TERF1: variants seen among roughly 807,000 people sequenced by gnomAD.
TERF1 encodes telomeric repeat binding factor 1, also known as telomeric repeat-binding factor 1.
In TERF1, 20 loss-of-function variants were observed where a neutral mutation model predicts 55.1. The observed-to-expected ratio is 0.36, with a 90% CI of 0.26 to 0.53. The LOEUF is 0.53. TERF1 is among the 20% of genes least tolerant of loss of function. The pLI is 0.91. For synonymous variants in TERF1, 168 were observed against 181.2 expected (o/e 0.93, Z 0.59); for missense variants, 439 against 535.7 (o/e 0.82, Z 1.78).
chr8:73,022,162 TA>T lies in TERF1; in HGVS notation c.538-52del, dbSNP rs1307675499. ...TACCTGAGTTATCTTAATAATTAAA[TA>T]ACTATTGGGTATTTATAAACGCAGT... is the stretch of plus-strand genomic sequence containing the variant. On this transcript the variant is annotated intron_variant, in intron 3 of 9. Coordinates refer to ENST00000276603, the MANE Select transcript of TERF1 (RefSeq NM_017489.3). 1.7e-5 allele frequency: 18 copies of T among 1,081,082 alleles called. No homozygotes were observed. The African/African-American group carries it at 2.5e-4, about 15-fold the overall frequency. The allele number at this position is 1,081,082 out of a possible 1,614,324, so 67.0% of individuals were successfully genotyped here.
chr8:73,016,316 T>C (rs17281281), intron 2 of TERF1, among the ~76,000 whole-genome samples: 56,526 of 151,736 alleles, frequency 0.37, 11,416 homozygotes, highest in Non-Finnish European at 0.46. Context: ...CTACCCCACA[T>C]AGGTTTGACA....
intron 9 of TERF1, 131 bp from the exon 10 acceptor site, chr8:73,045,830 A>G (rs1015272954): frequency 3.1e-6 from 2 of 646,282 alleles, no homozygotes; most frequent in African/African-American, 3.8e-5. Flanking sequence ...AAATCTAAGA[A>G]ATGTTTAGAG....
intron 8 of TERF1, 28 bp downstream of exon 8, chr8:73,032,161 G>T: frequency 6.6e-7 from 1 of 1,508,798 alleles, no homozygotes; most frequent in Non-Finnish European, 9.1e-7. Context: ...AGTTTTAGAA[G>T]GGGAGAATTG....
At chr8:73,037,567 A>G (rs186140882) in intron 8 of TERF1, among the ~76,000 whole-genome samples, 1,445 of 107,888 alleles carry the variant, frequency 0.013, 41 homozygotes, top group African/African-American at 0.049. Context: ...GGGAAAATAT[A>G]TATATTTTTT....
intron 3 of TERF1, 131 bp downstream of exon 3, chr8:73,020,936 T>G (rs532730932): frequency 1.5e-6 from 1 of 658,240 alleles, no homozygotes; most frequent in Non-Finnish European, 2.5e-6. Context: ...ATTTGACCTT[T>G]GGTTTATAGT....
At chr8:73,037,203 T>C (rs1786082226) in intron 8 of TERF1, among the ~76,000 whole-genome samples, 1 of 135,794 alleles carries the variant, frequency 7.4e-6, no homozygotes, top group Non-Finnish European at 1.5e-5. Flanking sequence ...TATTATATAA[T>C]ATAATTTATA....
chr8:73,031,549 T>A (rs1809285261), intron 7 of TERF1: 1 of 152,158 alleles, frequency 6.6e-6, no homozygotes, highest in Admixed American at 6.5e-5. Context: ...TGGCAGAGTT[T>A]TCAAAAAAAA....
chr8:73,009,188 C>T lies in TERF1; in HGVS notation c.302C>T (p.Thr101Ile), dbSNP rs893839558. Residue 101 changes from threonine (T) to isoleucine (I), a missense_variant, in exon 1 of 10, where the codon ACC (threonine) becomes ATC (isoleucine). By Grantham distance (89) the Thr-to-Ile change is moderately conservative. Around this residue, in one of 4 missense-constraint regions of TERF1, gnomAD observed 179 missense variants for 152.6 expected, o/e 1.17. Coordinates refer to ENST00000276603, the MANE Select transcript of TERF1 (RefSeq NM_017489.3). Reference protein sequence around the residue: ...RDGRSEDFRRTRNSAEAIIHG... With the variant: ...RDGRSEDFRRIRNSAEAIIHG... ...GGCCGCTCCGAGGACTTCCGCAGGA[C>T]CCGCAACAGCGCAGAGGGTGAGTGC... 13 of 1,610,362 alleles carry T rather than the reference C, an allele frequency of 8.1e-6. No homozygotes were observed. In the Admixed American group the frequency reaches 8.3e-5, roughly 10 times the overall value.
chr8:73,040,708 T>G (rs1809798644), intron 9 of TERF1, among the ~76,000 whole-genome samples: 2 of 152,332 alleles, frequency 1.3e-5, no homozygotes, highest in Admixed American at 6.5e-5. Context: ...CTTTCCTTCT[T>G]CTTCTGGTGT....
intron 6 of TERF1, among the ~76,000 whole-genome samples, chr8:73,028,762 T>C (rs1442355785): frequency 6.6e-6 from 1 of 152,098 alleles, no homozygotes; most frequent in Non-Finnish European, 1.5e-5. Context: ...CTATATGAAG[T>C]CTTGCCCAGC....
chr8:73,041,130 G>A (rs973784253), intron 9 of TERF1, among the ~76,000 whole-genome samples: 1 of 152,126 alleles, frequency 6.6e-6, no homozygotes, highest in Non-Finnish European at 1.5e-5. Flanking sequence ...TCTTCAGACT[G>A]TGTTTTTTGC....
rs1201029835 is a variant in TERF1, at chr8:73,022,303, G to A, written c.624+1G>A. The A allele has an allele frequency of 5.2e-6, 8 of 1,538,928 alleles. No homozygotes were observed. Among genetic ancestry groups the A allele is most frequent in the Non-Finnish European group, 7.1e-6 (8 of 1,134,072 alleles). The stretch of plus-strand genomic sequence containing the variant: ...ATTTGGTGATCCAAATTCTCATATG[G>A]TAATTATTTAAATTAAAACCATAGA... On this transcript the variant is annotated splice_donor_variant, in intron 4 of 9. Coordinates refer to ENST00000276603, the MANE Select transcript of TERF1 (RefSeq NM_017489.3). LOFTEE classifies it high-confidence loss of function.
intron 9 of TERF1, among the ~76,000 whole-genome samples, chr8:73,041,657 A>G (rs922198292): frequency 6.6e-6 from 1 of 152,218 alleles, no homozygotes; most frequent in Non-Finnish European, 1.5e-5. Context: ...TAAGAAGACC[A>G]GAACGCTTTC....
chr8:73,032,017 T>TA, intron 7 of TERF1, 25 bp from the exon 8 acceptor site: 2 of 1,556,172 alleles, frequency 1.3e-6, no homozygotes, highest in Middle Eastern at 2.3e-4. Context: ...TGGAGCCAAT[T>TA]ACAAACTTTC....
In TERF1 at chr8:73,048,097, G is replaced by T. The variant is rs1307551917; in HGVS notation, c.*1960G>T. ...AAAAGAGAAATTGTAAGCAAAATAA[G>T]TTGGGTAATATATTCCTAAAACCTC... On this transcript the variant is annotated 3_prime_UTR_variant, in exon 10 of 10. Coordinates refer to ENST00000276603, the MANE Select transcript of TERF1 (RefSeq NM_017489.3). 6.6e-6 allele frequency: 1 copy of T among 152,170 alleles called. No individual in the cohort carries two copies. The highest frequency in any genetic ancestry group is 6.5e-5 in the Admixed American group (1 of 15,270). The allele number at this position is 152,170 out of a possible 1,614,324, so 9.4% of individuals were successfully genotyped here. A position where few individuals can be genotyped will look rare whatever the true frequency, so the allele number is the denominator to read the frequency against.
chr8:73,042,985 G>A (rs186145469), intron 9 of TERF1: 3 of 152,196 alleles, frequency 2.0e-5, no homozygotes, highest in African/African-American at 7.2e-5. Context: ...AGTGGAATCT[G>A]GTACAATCAG....
intron 2 of TERF1, among the ~76,000 whole-genome samples, chr8:73,017,324 A>C (rs1808553822): frequency 6.6e-6 from 1 of 152,182 alleles, no homozygotes; most frequent in African/African-American, 2.4e-5. Flanking sequence ...TTTGAGGCAC[A>C]GTAAGTGATA....
intron 7 of TERF1, chr8:73,031,651 A>G (rs1475976003): frequency 6.5e-6 from 1 of 153,996 alleles, no homozygotes; most frequent in African/African-American, 2.4e-5. Flanking sequence ...GCCATTATGT[A>G]AAGGAATTTT....
chr8:73,038,352 G>T (rs1809692650), intron 8 of TERF1, among the ~76,000 whole-genome samples: 1 of 151,938 alleles, frequency 6.6e-6, no homozygotes, highest in Non-Finnish European at 1.5e-5. Context: ...TACTCAGGAG[G>T]CTGAGGTGAG....
Sources: gnomAD v4.1 joint callset for allele counts (sites outside exome capture counted in the v4.1 genomes callset) on GRCh38, gnomAD v4.1.1 for gene constraint, gnomAD v4.1.1 regional missense constraint, MANE v1.5 for transcripts, NCBI Gene and HGNC (gene_info 2026-07-23, HGNC 2026-07-21) for gene names.